Variants in EXOC4 observed in about 807,000 individuals in gnomAD.
The protein encoded by EXOC4 is SEC8-like 1.
In EXOC4, 71 loss-of-function variants were observed where a neutral mutation model predicts 107.2. That is an observed-to-expected ratio of 0.66 (90% CI 0.55 to 0.81). EXOC4 has a LOEUF of 0.81. Among genes scored for constraint, EXOC4 ranks in the 30% least tolerant of loss-of-function variants. The probability of loss-of-function intolerance (pLI) is 0.00; values close to 1 mark genes in which losing one functional copy is unlikely to be tolerated. For missense variants in EXOC4, 1,108 were observed against 1,189.6 expected (o/e 0.93, Z 1.01); for synonymous variants, 456 against 441.2 (o/e 1.03, Z -0.42).
intron 10 of EXOC4, among the ~76,000 whole-genome samples, chr7:133,732,146 A>T (rs1795341036): frequency 6.6e-6 from 1 of 152,238 alleles, no homozygotes; most frequent in Admixed American, 6.5e-5. Flanking sequence ...TTGCAGGGAC[A>T]TGGATAGAGC....
intron 7 of EXOC4, among the ~76,000 whole-genome samples, chr7:133,407,153 T>A (rs1224663722): frequency 2.6e-5 from 4 of 152,158 alleles, no homozygotes; most frequent in Non-Finnish European, 5.9e-5. Flanking sequence ...CCTGATCAGA[T>A]GTGGATCTGA....
At position 133,994,737 on chromosome 7, in the gene EXOC4, T is replaced by C. The variant is rs559781994; in HGVS notation, c.2207-2755T>C. Among the ~76,000 whole-genome samples, 127 of 146,732 alleles carry C rather than the reference T, an allele frequency of 8.7e-4. 4 individuals are homozygous for C. The South Asian group carries it at 0.026, about 30-fold the overall frequency. On this transcript the variant is annotated intron_variant, in intron 14 of 17. Coordinates refer to ENST00000253861, the MANE Select transcript of EXOC4 (RefSeq NM_021807.4). The stretch of plus-strand genomic sequence containing the variant: ...GATAAATATACAACAATGTAGCCTT[T>C]AAAGGGTATGTACAAGGTTTTGTGT...
At chr7:133,703,494 A>G (rs573331577) in intron 10 of EXOC4, among the ~76,000 whole-genome samples, 15 of 152,310 alleles carry the variant, frequency 9.8e-5, no homozygotes, top group African/African-American at 1.7e-4. Flanking sequence ...AAAGTTGTGC[A>G]TTTGTCATCC....
chr7:133,465,158 G>A (rs938934761), intron 7 of EXOC4, among the ~76,000 whole-genome samples: 1 of 151,986 alleles, frequency 6.6e-6, no homozygotes, highest in Non-Finnish European at 1.5e-5. Context: ...TCTAGAGTTT[G>A]GTAGTCAAAG....
At chr7:134,036,173 T>C (rs1795382843) in intron 17 of EXOC4, among the ~76,000 whole-genome samples, 1 of 152,246 alleles carries the variant, frequency 6.6e-6, no homozygotes, top group South Asian at 2.1e-4. Context: ...TGTATGAGTT[T>C]AATGACAAAC....
intron 14 of EXOC4, among the ~76,000 whole-genome samples, chr7:133,997,264 T>C (rs1375850440): frequency 6.6e-6 from 1 of 152,176 alleles, no homozygotes; most frequent in Non-Finnish European, 1.5e-5. Flanking sequence ...AAAGTAATAC[T>C]TTTGCACCAA....
chr7:133,620,737 CAT>C (rs1353257384), intron 9 of EXOC4, among the ~76,000 whole-genome samples: 1 of 152,180 alleles, frequency 6.6e-6, no homozygotes, highest in Non-Finnish European at 1.5e-5. Flanking sequence ...AGCTCACACA[CAT>C]GAGAATCTCT....
intron 10 of EXOC4, among the ~76,000 whole-genome samples, chr7:133,699,512 T>G (rs944002950): frequency 2.6e-5 from 4 of 152,186 alleles, no homozygotes; most frequent in Non-Finnish European, 5.9e-5. Context: ...TTGTTTAGCA[T>G]CAGTTCGTTA....
chr7:133,311,293 C>G (rs1794865315), intron 4 of EXOC4, among the ~76,000 whole-genome samples: 1 of 151,916 alleles, frequency 6.6e-6, no homozygotes, highest in Admixed American at 6.6e-5. Context: ...CTGTTTTAGT[C>G]AAAACAGTAC....
At chr7:133,910,236 A>G (rs537947146) in intron 12 of EXOC4, among the ~76,000 whole-genome samples, 34 of 152,310 alleles carry the variant, frequency 2.2e-4, no homozygotes, top group African/African-American at 7.9e-4. Flanking sequence ...CAGATTTTAT[A>G]TGAATTCTTG....
At chr7:133,783,668 T>G (rs1027220238) in intron 10 of EXOC4, among the ~76,000 whole-genome samples, 3 of 152,190 alleles carry the variant, frequency 2.0e-5, no homozygotes, top group Non-Finnish European at 4.4e-5. Flanking sequence ...GTTGGTAGTT[T>G]TAAAAACTGT....
At chr7:133,802,353 T>A (rs1796964819) in intron 10 of EXOC4, among the ~76,000 whole-genome samples, 1 of 152,236 alleles carries the variant, frequency 6.6e-6, no homozygotes, top group Non-Finnish European at 1.5e-5. Flanking sequence ...ACTATAGATA[T>A]GAACAATAAT....
chr7:133,524,638 C>T (rs1236959799), intron 9 of EXOC4, among the ~76,000 whole-genome samples: 2 of 151,200 alleles, frequency 1.3e-5, no homozygotes, highest in African/African-American at 2.4e-5. Context: ...GGAAGGGATC[C>T]AGTTTCAGCT....
intron 13 of EXOC4, among the ~76,000 whole-genome samples, chr7:133,929,926 T>C (rs1800139221): frequency 6.6e-6 from 1 of 152,182 alleles, no homozygotes; most frequent in East Asian, 1.9e-4. Context: ...CTGAGGTCAA[T>C]TGTTTAATGT....
At chr7:133,379,324 G>A (rs1796561922) in intron 7 of EXOC4, among the ~76,000 whole-genome samples, 1 of 152,078 alleles carries the variant, frequency 6.6e-6, no homozygotes, top group South Asian at 2.1e-4. Flanking sequence ...AACATTTATA[G>A]TCTTTTTTTT....
chr7:133,292,876 A>C (rs949123958), intron 3 of EXOC4, among the ~76,000 whole-genome samples: 1 of 152,228 alleles, frequency 6.6e-6, no homozygotes, highest in Non-Finnish European at 1.5e-5. Context: ...ATACCACTAC[A>C]GAGAGAAAAA....
intron 10 of EXOC4, among the ~76,000 whole-genome samples, chr7:133,757,019 A>G (rs1053899967): frequency 3.9e-5 from 6 of 152,114 alleles, no homozygotes; most frequent in Non-Finnish European, 7.4e-5. Context: ...AAGGGATTGA[A>G]TATGTTTCCT....
At chr7:133,639,422 A>G (rs767195628) in intron 10 of EXOC4, among the ~76,000 whole-genome samples, 5 of 152,134 alleles carry the variant, frequency 3.3e-5, no homozygotes, top group Non-Finnish European at 7.4e-5. Context: ...AAAATGTGTC[A>G]TACTGCCTGT....
chr7:133,657,092 T>C (rs1803317747), intron 10 of EXOC4, among the ~76,000 whole-genome samples: 1 of 152,164 alleles, frequency 6.6e-6, no homozygotes, highest in African/African-American at 2.4e-5. Context: ...GAGGCATGAC[T>C]AAGAAAAACA....
Sources: gnomAD v4.1 joint callset for allele counts (sites outside exome capture counted in the v4.1 genomes callset) on GRCh38, gnomAD v4.1.1 for gene constraint, MANE v1.5 for transcripts, NCBI Gene and HGNC (gene_info 2026-07-23, HGNC 2026-07-21) for gene names.